The following KCNIP4 variants were observed in gnomAD, a reference collection of about 807,000 sequenced individuals.
KCNIP4 encodes the protein Kv channel-interacting protein 4.
A neutral mutation model predicts 34.0 loss-of-function variants in KCNIP4; 12 were observed. That is an observed-to-expected ratio of 0.35 (90% CI 0.23 to 0.57). The LOEUF is 0.57. Ranked by LOEUF, KCNIP4 falls within the 20% of genes least tolerant of loss-of-function variation. The pLI, the probability that KCNIP4 is intolerant of heterozygous loss-of-function variation, is 0.83. For missense variants in KCNIP4, 238 were observed against 311.7 expected (o/e 0.76, Z 1.78); for synonymous variants, 124 against 102.2 (o/e 1.21, Z -1.29).
At chr4:20,802,275 CTATATATATATGCAATATATATATGCAA>C (rs1160929298) in intron 3 of KCNIP4, among the ~76,000 whole-genome samples, 1 of 63,050 alleles carries the variant, frequency 1.6e-5, no homozygotes, top group Non-Finnish European at 3.6e-5. Flanking sequence ...TATATATATG[CTATATATATATGCAATATATATATGCAA>C]TATATATATA....
intron 1 of KCNIP4, among the ~76,000 whole-genome samples, chr4:21,142,044 G>A (rs1307077000): frequency 2.6e-5 from 4 of 151,246 alleles, no homozygotes; most frequent in East Asian, 1.9e-4. Context: ...CCAGCTACTC[G>A]GGAGGCTGAG....
At chr4:21,719,964 A>C (rs1376052130) in intron 1 of KCNIP4, among the ~76,000 whole-genome samples, 1 of 74,362 alleles carries the variant, frequency 1.3e-5, no homozygotes, top group Non-Finnish European at 2.0e-5. Flanking sequence ...GCTCCATCTC[A>C]AAAAAAAAAA....
chr4:21,185,102 G>T (rs1755118454), intron 1 of KCNIP4, among the ~76,000 whole-genome samples: 1 of 152,138 alleles, frequency 6.6e-6, no homozygotes, highest in Non-Finnish European at 1.5e-5. Flanking sequence ...GTATAAGACA[G>T]AATACACTTC....
At chr4:21,585,565 C>T (rs892116350) in intron 1 of KCNIP4, among the ~76,000 whole-genome samples, 49 of 152,086 alleles carry the variant, frequency 3.2e-4, no homozygotes, top group African/African-American at 1.2e-3. Flanking sequence ...GAAGCATCCT[C>T]TCTGCTCTTT....
intron 1 of KCNIP4, among the ~76,000 whole-genome samples, chr4:21,234,408 TA>T (rs1759164057): frequency 7.6e-6 from 1 of 130,822 alleles, no homozygotes; most frequent in African/African-American, 2.9e-5. Context: ...ATATATTATA[TA>T]ACATATACTA....
intron 1 of KCNIP4, among the ~76,000 whole-genome samples, chr4:21,519,851 TTATA>T (rs202232963): frequency 0.031 from 4,472 of 142,648 alleles, 101 homozygotes; most frequent in Non-Finnish European, 0.05. Context: ...GTGTATATAT[TTATA>T]TATTTATTTA....
intron 1 of KCNIP4, among the ~76,000 whole-genome samples, chr4:21,200,699 TC>T (rs1756429114): frequency 6.6e-6 from 1 of 151,926 alleles, no homozygotes; most frequent in Non-Finnish European, 1.5e-5. Context: ...GGTAGGCTAC[TC>T]TGGTGATGCG....
rs1718570885 is a variant in KCNIP4 at position 21,356,157 on chromosome 4, G to A, written c.62-473448C>T. Reference sequence around the variant, plus strand: ...AAAAACTCTCAAAAAAGTAAATACTGATGGAACATATCTCAAAATATTAAG... The same window carrying A: ...AAAAACTCTCAAAAAAGTAAATACTAATGGAACATATCTCAAAATATTAAG... On this transcript the variant is annotated intron_variant, in intron 1 of 8. Coordinates refer to ENST00000382152, the MANE Select transcript of KCNIP4 (RefSeq NM_025221.6). 2.0e-5 allele frequency among the ~76,000 whole-genome samples: 3 copies of A among 152,136 alleles called. No individual in the cohort carries two copies. In the South Asian group the frequency reaches 6.2e-4, roughly 32 times the overall value.
chr4:21,431,519 A>G (rs1726445714), intron 1 of KCNIP4, among the ~76,000 whole-genome samples: 1 of 152,116 alleles, frequency 6.6e-6, no homozygotes, highest in South Asian at 2.1e-4. Context: ...ATGGTAGTCA[A>G]TGATGTTCAG....
intron 1 of KCNIP4, among the ~76,000 whole-genome samples, chr4:21,492,127 G>A (rs1732454764): frequency 6.6e-6 from 1 of 152,104 alleles, no homozygotes; most frequent in South Asian, 2.1e-4. Flanking sequence ...TAACAAAAAG[G>A]ACTGAATTGT....
chr4:20,964,221 C>G (rs1388998585), intron 1 of KCNIP4, among the ~76,000 whole-genome samples: 1 of 152,216 alleles, frequency 6.6e-6, no homozygotes, highest in East Asian at 1.9e-4. Flanking sequence ...TGGAATCACT[C>G]ATGAGAGAAC....
intron 1 of KCNIP4, among the ~76,000 whole-genome samples, chr4:21,777,496 T>C (rs1471221): frequency 0.49 from 74,898 of 152,046 alleles, 20,378 homozygotes; most frequent in Non-Finnish European, 0.63. Context: ...CCAGATGTAA[T>C]ATGACTTGGC....
intron 1 of KCNIP4, among the ~76,000 whole-genome samples, chr4:21,420,375 C>T (rs1199554251): frequency 6.6e-6 from 1 of 152,170 alleles, no homozygotes; most frequent in Admixed American, 6.5e-5. Flanking sequence ...TAGCTGCCTA[C>T]AGGGTTTTCT....
chr4:20,812,510 G>T (rs16870076), intron 3 of KCNIP4, among the ~76,000 whole-genome samples: 17,064 of 152,154 alleles, frequency 0.11, 1,192 homozygotes, highest in African/African-American at 0.2. Context: ...CAAGGGAAGA[G>T]TCCAAGCTTA....
chr4:21,518,719 T>G (rs1437608907), intron 1 of KCNIP4, among the ~76,000 whole-genome samples: 1 of 152,110 alleles, frequency 6.6e-6, no homozygotes, highest in East Asian at 1.9e-4. Context: ...CCCCTGTAAG[T>G]CATCTCTGTT....
chr4:21,804,280 TG>T (rs1359757971), intron 1 of KCNIP4, among the ~76,000 whole-genome samples: 1 of 152,200 alleles, frequency 6.6e-6, no homozygotes, highest in African/African-American at 2.4e-5. Context: ...TTTCATGGCT[TG>T]GGTTGTGTTC....
At chr4:21,031,071 T>C (rs1001934081) in intron 1 of KCNIP4, among the ~76,000 whole-genome samples, 2 of 152,172 alleles carry the variant, frequency 1.3e-5, no homozygotes, top group African/African-American at 2.4e-5. Context: ...AGGGTCAGGT[T>C]CCATCTTCCA....
chr4:20,793,510 TA>T (rs1382460788), intron 3 of KCNIP4, among the ~76,000 whole-genome samples: 5 of 152,106 alleles, frequency 3.3e-5, no homozygotes, highest in Non-Finnish European at 5.9e-5. Context: ...TATTCATATG[TA>T]AAAACTTTCA....
intron 5 of KCNIP4, 100 bp from the exon 6 acceptor site, chr4:20,734,835 G>T: frequency 1.7e-6 from 1 of 571,732 alleles, no homozygotes; most frequent in South Asian, 3.0e-5. Flanking sequence ...TCTGGATCTT[G>T]AACATTTAGC....
Sources: gnomAD v4.1 joint callset for allele counts (sites outside exome capture counted in the v4.1 genomes callset) on GRCh38, gnomAD v4.1.1 for gene constraint, MANE v1.5 for transcripts, NCBI Gene and HGNC (gene_info 2026-07-23, HGNC 2026-07-21) for gene names.